The following PPME1 variants were observed in gnomAD, a reference collection of about 807,000 sequenced individuals.
PPME1 encodes the protein protein phosphatase methylesterase 1, also known as testicular secretory protein Li 39.
PPME1 carries 17 observed loss-of-function variants against 56.9 expected under a neutral mutation model. The ratio of observed to expected loss-of-function variants is 0.30; its 90% CI spans 0.20 to 0.45. The LOEUF (loss-of-function observed/expected upper bound fraction) is 0.45. Among genes scored for constraint, PPME1 ranks in the 20% least tolerant of loss-of-function variants. The pLI, the probability that PPME1 is intolerant of heterozygous loss-of-function variation, is 1.00. For synonymous variants in PPME1, 122 were observed against 156.2 expected (o/e 0.78, Z 1.63); for missense variants, 357 against 483.2 (o/e 0.74, Z 2.45).
At chr11:74,197,686 G>A (rs2135613873) in intron 1 of PPME1, among the ~76,000 whole-genome samples, 1 of 152,258 alleles carries the variant, frequency 6.6e-6, no homozygotes, top group South Asian at 2.1e-4. Context: ...TTCAGGTTCA[G>A]GAACTGATAA....
intron 9 of PPME1, among the ~76,000 whole-genome samples, chr11:74,243,107 C>G (rs1446963957): frequency 2.0e-5 from 3 of 152,040 alleles, no homozygotes; most frequent in Non-Finnish European, 4.4e-5. Flanking sequence ...GTAAACATCC[C>G]AGGAAGATTG....
chr11:74,210,702 T>G (rs1220579602), intron 3 of PPME1, among the ~76,000 whole-genome samples: 1 of 152,144 alleles, frequency 6.6e-6, no homozygotes, highest in Non-Finnish European at 1.5e-5. Flanking sequence ...CCACCATGAG[T>G]GGAAGCAGCC....
At chr11:74,228,841 C>T (rs1858995508) in intron 5 of PPME1, among the ~76,000 whole-genome samples, 1 of 151,978 alleles carries the variant, frequency 6.6e-6, no homozygotes, top group Admixed American at 6.6e-5. Flanking sequence ...CTTTTCTTTC[C>T]TTCATATCAT....
intron 11 of PPME1, chr11:74,248,290 T>G (rs1202100027): frequency 6.6e-6 from 1 of 152,186 alleles, no homozygotes; most frequent in Non-Finnish European, 1.5e-5. Flanking sequence ...CCCTACTTAC[T>G]CTCCCTGGAC....
At chr11:74,240,237 C>T (rs1565394814) in intron 9 of PPME1, among the ~76,000 whole-genome samples, 1 of 152,152 alleles carries the variant, frequency 6.6e-6, no homozygotes, top group Admixed American at 6.5e-5. Flanking sequence ...AAGTCACACT[C>T]AGAAATACTA....
At chr11:74,179,244 T>C (rs1857472292) in intron 1 of PPME1, among the ~76,000 whole-genome samples, 2 of 152,198 alleles carry the variant, frequency 1.3e-5, no homozygotes, top group Admixed American at 1.3e-4. Flanking sequence ...CTCGTTATCA[T>C]GGAAAGAAAG....
intron 1 of PPME1, chr11:74,198,744 G>A (rs1408325163): frequency 6.6e-6 from 1 of 152,126 alleles, no homozygotes; most frequent in African/African-American, 2.4e-5. Flanking sequence ...CAGCCACCAC[G>A]TCCAGCCTGG....
chr11:74,207,565 T>C (rs996704912), intron 3 of PPME1, among the ~76,000 whole-genome samples: 3 of 152,246 alleles, frequency 2.0e-5, no homozygotes, highest in African/African-American at 7.2e-5. Flanking sequence ...TTTGAACCTT[T>C]TATTCCTTGT....
Position 74,230,249 on chromosome 11 carries a change from G to T in PPME1, c.403G>T (p.Val135Phe). 6.2e-7 allele frequency: 1 copy of T among 1,603,756 alleles called. No homozygotes were observed. The highest frequency in any genetic ancestry group is 8.5e-7 in the Non-Finnish European group (1 of 1,176,774). ...DLSAETMAKD[V>F]GNVVEAMYGD... ...CTTTTTCTCTTCTCTTTGCAGAGAC[G>T]TTGGCAATGTGGTTGAAGCCATGTA... Residue 135 changes from valine (V) to phenylalanine (F), a missense_variant, in exon 6 of 14, where the codon GTT becomes TTT. Physicochemically the swap from Val to Phe is conservative, Grantham distance 50 (BLOSUM62 -1). This residue lies in a region of PPME1 where 175 missense variants were observed against 189.4 expected (regional missense o/e 0.92). Transcript: ENST00000328257. This position sits in a 1 kb window ranked among gnomAD's most constrained non-coding sequence, Gnocchi z 4.9.
rs780832040 is a variant in PPME1, at chr11:74,176,721, CTTTTTTTTTT to C, written c.101+5213_101+5222del. ...TTTTTCCTGGTACCTGTGTAGTGTC[CTTTTTTTTTT>C]TTTTTTTTTTTTTGAGACAGAGTCT... On this transcript the variant is annotated intron_variant, in intron 1 of 13. Transcript: ENST00000328257. Among the ~76,000 whole-genome samples, 6 of 102,170 alleles carry C rather than the reference CTTTTTTTTTT, an allele frequency of 5.9e-5. No individual in the cohort carries two copies. In the East Asian group the frequency reaches 1.5e-3, roughly 26 times the overall value. 67.0% of individuals were successfully genotyped at this position (102,170 alleles called of 152,430 possible). A position where few individuals can be genotyped will look rare whatever the true frequency, so the allele number is the denominator to read the frequency against.
chr11:74,252,296 C>T, intron 13 of PPME1: 1 of 301,410 alleles, frequency 3.3e-6, no homozygotes, highest in South Asian at 3.0e-5. Context: ...CCATGTTGGC[C>T]AGGCTGGTCT....
chr11:74,236,132 T>C lies in PPME1; in HGVS notation c.710+166T>C. The C allele has an allele frequency of 3.5e-6, 4 of 1,149,022 alleles. No individual in the cohort carries two copies. In the South Asian group the frequency reaches 7.6e-5, roughly 22 times the overall value. 71.2% of individuals were successfully genotyped at this position (1,149,022 alleles called of 1,614,324 possible). A position where few individuals can be genotyped will look rare whatever the true frequency, so the allele number is the denominator to read the frequency against. ...AGTTGGGACAGACATAGATTTTCTT[T>C]CGCCTGCCTTCCTTTCTCTCCTTCC... On this transcript the variant is annotated intron_variant, in intron 8 of 13. Coordinates refer to ENST00000328257, the MANE Select transcript of PPME1 (RefSeq NM_016147.3).
chr11:74,184,687 G>T (rs1417243964), intron 1 of PPME1, among the ~76,000 whole-genome samples: 1 of 152,188 alleles, frequency 6.6e-6, no homozygotes, highest in Non-Finnish European at 1.5e-5. Flanking sequence ...AAGACTGGGT[G>T]TGCCGTTTAT....
chr11:74,202,902 A>C (rs1858208190), intron 1 of PPME1, among the ~76,000 whole-genome samples: 1 of 152,104 alleles, frequency 6.6e-6, no homozygotes, highest in South Asian at 2.1e-4. Context: ...AAACACTTAC[A>C]TGTATTTCAC....
chr11:74,225,080 A>T (rs879399633), intron 4 of PPME1, 125 bp from the exon 5 acceptor site: 62 of 609,446 alleles, frequency 1.0e-4, no homozygotes, highest in African/African-American at 3.4e-4. Flanking sequence ...TCCTTGCTAA[A>T]CTCATTGTGT....
chr11:74,229,140 A>G (rs1471375562), intron 5 of PPME1, among the ~76,000 whole-genome samples: 1 of 152,210 alleles, frequency 6.6e-6, no homozygotes, highest in Admixed American at 6.5e-5. Flanking sequence ...CTACAGAACT[A>G]ATAACATTTG....
In PPME1 at chr11:74,231,525, A is replaced by G. The variant is rs1208012147; in HGVS notation, c.644+523A>G. Among the ~76,000 whole-genome samples the G allele has an allele frequency of 5.9e-5, 9 of 152,260 alleles. 1 individual carries two copies. The highest frequency in any genetic ancestry group is 2.9e-5 in the Non-Finnish European group (2 of 68,050). On this transcript the variant is annotated intron_variant, in intron 7 of 13. Transcript: ENST00000328257. ...GTAATAGCATATGAGGAAACATTATATAAACAGCAGAATTTTTTGAACATT... is the reference window on the plus strand; with the variant it reads ...GTAATAGCATATGAGGAAACATTATGTAAACAGCAGAATTTTTTGAACATT...
intron 9 of PPME1, 60 bp downstream of exon 9, chr11:74,239,316 G>A: frequency 6.4e-7 from 1 of 1,568,038 alleles, no homozygotes; most frequent in Non-Finnish European, 8.6e-7. Context: ...ACTGTGTGTG[G>A]GTGGGAAGGG....
At chr11:74,203,673 T>G in intron 1 of PPME1, 55 bp from the exon 2 acceptor site, 1 of 1,376,636 alleles carries the variant, frequency 7.3e-7, no homozygotes, top group Non-Finnish European at 1.0e-6. Flanking sequence ...TTGACCAAGA[T>G]TTTATCTCTT....
Sources: allele counts gnomAD v4.1 joint callset (sites outside exome capture counted in the v4.1 genomes callset), GRCh38; gene constraint gnomAD v4.1.1; regional missense constraint gnomAD v4.1.1; non-coding constraint Gnocchi (gnomAD v3.1); transcripts MANE v1.5; gene names NCBI Gene and HGNC (gene_info 2026-07-23, HGNC 2026-07-21).